The following ZRANB3 variants were observed in gnomAD, a reference collection of about 807,000 sequenced individuals.
ZRANB3 encodes the protein zinc finger RANBP2-type containing 3.
Under a neutral mutation model 133.8 loss-of-function variants are expected in ZRANB3, and 125 were observed. The ratio of observed to expected loss-of-function variants is 0.93; its 90% CI spans 0.81 to 1.08. The LOEUF (loss-of-function observed/expected upper bound fraction) is 1.08. ZRANB3 is among the 50% of genes least tolerant of loss of function. The probability of loss-of-function intolerance (pLI) is 0.00; values close to 1 mark genes in which losing one functional copy is unlikely to be tolerated. For missense variants in ZRANB3, 1,229 were observed against 1,275.5 expected (o/e 0.96, Z 0.56); for synonymous variants, 387 against 432.7 (o/e 0.89, Z 1.31).
Position 135,271,773 on chromosome 2 carries a change from C to T in ZRANB3, c.1201G>A (p.Gly401Ser). Residue 401 changes from glycine to serine, a missense_variant, in exon 10 of 21, where the codon GGC (glycine) becomes AGC (serine). Gly to Ser is a moderately conservative substitution (Grantham distance 56). Transcript: ENST00000264159. Reference sequence around the variant, plus strand: ...TTAGACTTGAAATTTCTTACCTGGCCAGCAGCCTGAATGCTTAGGATAGCC... The same window carrying T: ...TTAGACTTGAAATTTCTTACCTGGCTAGCAGCCTGAATGCTTAGGATAGCC... ...RVAILSIQAA[G>S]QGLTFTAASH... The T allele has an allele frequency of 6.2e-7, 1 of 1,609,902 alleles. No individual in the cohort carries two copies. Among genetic ancestry groups the T allele is most frequent in the Non-Finnish European group, 8.5e-7 (1 of 1,178,746 alleles).
At chr2:135,242,498 AG>A (rs1163109372) in intron 12 of ZRANB3, among the ~76,000 whole-genome samples, 2 of 150,486 alleles carry the variant, frequency 1.3e-5, no homozygotes, top group Non-Finnish European at 3.0e-5. Flanking sequence ...AGTGTTACCC[AG>A]GGGGGGCTCA....
At chr2:135,419,987 G>A (rs1258900203) in intron 2 of ZRANB3, among the ~76,000 whole-genome samples, 1 of 149,340 alleles carries the variant, frequency 6.7e-6, no homozygotes, top group Non-Finnish European at 1.5e-5. Flanking sequence ...ACTTTAACTC[G>A]CTCTCTCGCC....
intron 1 of ZRANB3, among the ~76,000 whole-genome samples, chr2:135,513,484 G>A (rs1047638996): frequency 6.6e-6 from 1 of 152,074 alleles, no homozygotes; most frequent in Non-Finnish European, 1.5e-5. Context: ...TCAACAAATA[G>A]TGCTGAGACA....
At chr2:135,384,655 C>G (rs532801524) in intron 3 of ZRANB3, among the ~76,000 whole-genome samples, 66 of 152,262 alleles carry the variant, frequency 4.3e-4, no homozygotes, top group Middle Eastern at 3.4e-3. Context: ...ATGATCAAGT[C>G]GGCTTCATCC....
chr2:135,456,785 T>A (rs1054888472), intron 2 of ZRANB3, among the ~76,000 whole-genome samples: 1 of 152,146 alleles, frequency 6.6e-6, no homozygotes, highest in Admixed American at 6.5e-5. Flanking sequence ...CTAAAGAACC[T>A]CAAATTATCA....
intron 2 of ZRANB3, among the ~76,000 whole-genome samples, chr2:135,503,753 A>G (rs1693050146): frequency 6.6e-6 from 1 of 152,192 alleles, no homozygotes; most frequent in Non-Finnish European, 1.5e-5. Flanking sequence ...TGAGCCCAGG[A>G]GTTCAAGACC....
intron 8 of ZRANB3, among the ~76,000 whole-genome samples, chr2:135,312,071 A>G (rs184158124): frequency 1.3e-5 from 2 of 151,732 alleles, no homozygotes; most frequent in East Asian, 3.9e-4. Context: ...TGTTTATCCA[A>G]CTATACACAT....
chr2:135,511,227 G>A (rs1355943986), intron 1 of ZRANB3: 2 of 959,574 alleles, frequency 2.1e-6, no homozygotes, highest in African/African-American at 3.2e-5. Context: ...TACTGTCTGA[G>A]ATATGTCTGC....
rs112762583 is a variant in ZRANB3 at position 135,313,941 on chromosome 2, T to C, written c.850-336A>G. On this transcript the variant is annotated intron_variant, in intron 7 of 20. Transcript: ENST00000264159. ...GTGCAATCGTGCAATCTCGGCTCAC[T>C]GCAACCTCCGCCTCCCGGGTTCAAG... Among the ~76,000 whole-genome samples the C allele has an allele frequency of 3.0e-3, 453 of 152,338 alleles. 3 individuals carry two copies. Among genetic ancestry groups the C allele is most frequent in the African/African-American group, 0.01 (422 of 41,582 alleles).
intron 8 of ZRANB3, among the ~76,000 whole-genome samples, chr2:135,298,997 G>A (rs913191169): frequency 2.0e-5 from 3 of 152,034 alleles, no homozygotes; most frequent in African/African-American, 7.2e-5. Flanking sequence ...CAGTATAGGG[G>A]GCATACAAGC....
chr2:135,369,403 T>C (rs1686072270), intron 3 of ZRANB3, among the ~76,000 whole-genome samples: 1 of 152,166 alleles, frequency 6.6e-6, no homozygotes, highest in South Asian at 2.1e-4. Context: ...GAAAGCAGTA[T>C]GAGAAGATTA....
chr2:135,397,435 C>A (rs1350464676), intron 2 of ZRANB3, among the ~76,000 whole-genome samples: 1 of 145,286 alleles, frequency 6.9e-6, no homozygotes, highest in African/African-American at 2.5e-5. Flanking sequence ...GCAAGAAAGC[C>A]AGACCCTGAC....
intron 6 of ZRANB3, among the ~76,000 whole-genome samples, chr2:135,325,393 T>C (rs547666181): frequency 1.4e-4 from 22 of 152,286 alleles, no homozygotes; most frequent in African/African-American, 5.1e-4. Context: ...TGAGGTTTTA[T>C]TTTAAAGAGG....
chr2:135,298,520 TGTG>T, intron 8 of ZRANB3, among the ~76,000 whole-genome samples: 1 of 152,254 alleles, frequency 6.6e-6, no homozygotes, highest in South Asian at 2.1e-4. Context: ...GATCCCCTGA[TGTG>T]GTGCTCGCCC....
At position 135,217,520 on chromosome 2, in the gene ZRANB3, T is replaced by C. The variant is rs371994410; in HGVS notation, c.2440A>G (p.Ile814Val). ...TTTGTGATCTCTTCCAAAGCAAGAATTGGGCTACAGAATAGCTGTCCACTT... is the reference window on the plus strand; with the variant it reads ...TTTGTGATCTCTTCCAAAGCAAGAACTGGGCTACAGAATAGCTGTCCACTT... ...RKSGQLFCSP[I>V]LALEEITKQQ... The change falls in exon 17 of 21, where the codon ATT becomes GTT. Residue 814 changes from isoleucine to valine, a missense_variant. Ile to Val is a conservative substitution (Grantham distance 29). Transcript: ENST00000264159. 62 of 1,613,612 alleles carry C rather than the reference T, an allele frequency of 3.8e-5. No homozygotes were observed. The highest frequency in any genetic ancestry group is 4.5e-5 in the Non-Finnish European group (53 of 1,179,816).
chr2:135,465,287 C>T (rs1195153116), intron 2 of ZRANB3, among the ~76,000 whole-genome samples: 3 of 147,970 alleles, frequency 2.0e-5, no homozygotes, highest in African/African-American at 2.5e-5. Flanking sequence ...TCATGGTTAC[C>T]TAATTTTGTC....
rs537860934 is a variant in ZRANB3, at chr2:135,226,142, TAAC to T, written c.2159-1628_2159-1626del. On this transcript the variant is annotated intron_variant, in intron 14 of 20. Coordinates refer to ENST00000264159, the MANE Select transcript of ZRANB3 (RefSeq NM_032143.4). ...AGCCATTCTTTGATAAAAATAACTG[TAAC>T]AACAATTCCAAATCAGTTGATATTA... Among the ~76,000 whole-genome samples the T allele has an allele frequency of 8.0e-4, 122 of 152,352 alleles. 1 individual carries two copies. Among genetic ancestry groups the T allele is most frequent in the African/African-American group, 2.6e-3 (108 of 41,586 alleles).
intron 2 of ZRANB3, among the ~76,000 whole-genome samples, chr2:135,424,416 T>G (rs1688987264): frequency 6.6e-6 from 1 of 152,084 alleles, no homozygotes; most frequent in South Asian, 2.1e-4. Context: ...AAACATAATA[T>G]TAATGGTAAT....
Position 135,197,500 on chromosome 2 carries a change from C to T in ZRANB3, c.*2842G>A, listed in dbSNP as rs967959950. On this transcript the variant is annotated 3_prime_UTR_variant, in exon 21 of 21. Coordinates refer to ENST00000264159, the MANE Select transcript of ZRANB3 (RefSeq NM_032143.4). ...TATTCACTTGTCACAGGAAAATCTC[C>T]CCAAGAAATGTACGTTGGGCTGTAA... is the stretch of plus-strand genomic sequence containing the variant. 2.6e-5 allele frequency: 4 copies of T among 152,192 alleles called. No homozygotes were observed. The highest frequency in any genetic ancestry group is 9.7e-5 in the African/African-American group (4 of 41,450). The allele number at this position is 152,192 out of a possible 1,614,324, so 9.4% of individuals were successfully genotyped here.
Sources: allele counts gnomAD v4.1 joint callset (sites outside exome capture counted in the v4.1 genomes callset), GRCh38; gene constraint gnomAD v4.1.1; transcripts MANE v1.5; gene names NCBI Gene and HGNC (gene_info 2026-07-23, HGNC 2026-07-21).